The following TENM1 variants were observed in gnomAD, a reference collection of about 807,000 sequenced individuals.
The protein encoded by TENM1 is teneurin transmembrane protein 1.
In TENM1, 35 loss-of-function variants were observed where a neutral mutation model predicts 174.8. The ratio of observed to expected loss-of-function variants is 0.20; its 90% CI spans 0.15 to 0.27. The LOEUF (loss-of-function observed/expected upper bound fraction) is 0.27, where lower values mean the gene tolerates loss of function less well. Among genes scored for constraint, TENM1 ranks in the 10% least tolerant of loss-of-function variants. TENM1 has a pLI of 1.00. For missense variants in TENM1, 1,633 were observed against 2,130.1 expected (o/e 0.77, Z 4.59); for synonymous variants, 781 against 798.7 (o/e 0.98, Z 0.37).
chrX:124,423,689 T>G (rs2060680679), intron 23 of TENM1, among the ~76,000 whole-genome samples: 1 of 110,602 alleles, frequency 9.0e-6, no homozygotes, highest in Non-Finnish European at 1.9e-5. Flanking sequence ...ATCTGGGTAC[T>G]AGGAAAAGCA....
At chrX:124,382,519 T>G (rs1398696725) in intron 31 of TENM1, 151 bp downstream of exon 34, 6 of 522,964 alleles carry the variant, frequency 1.1e-5, no homozygotes, top group African/African-American at 4.9e-5. Flanking sequence ...TCATGGAGCT[T>G]TTTTTATACC....
intron 3 of TENM1, among the ~76,000 whole-genome samples, chrX:124,874,820 GTCA>G (rs923664362): frequency 1.8e-5 from 2 of 110,847 alleles, no homozygotes; most frequent in Non-Finnish European, 3.8e-5. Context: ...TATTTGAAAG[GTCA>G]TCTTTATCAT....
intron 3 of TENM1, among the ~76,000 whole-genome samples, chrX:124,766,485 GAA>G (rs2054542348): frequency 9.0e-6 from 1 of 111,449 alleles, no homozygotes; most frequent in African/African-American, 3.3e-5. Flanking sequence ...GAAACGGTGA[GAA>G]AAATAAATTA....
chrX:124,754,283 T>C (rs2054167372), intron 3 of TENM1, among the ~76,000 whole-genome samples: 1 of 111,536 alleles, frequency 9.0e-6, no homozygotes, highest in African/African-American at 3.3e-5. Flanking sequence ...GTAGAGGTGT[T>C]TGTAGTATTC....
At chrX:124,914,581 T>C (rs1055053160) in intron 1 of TENM1, among the ~76,000 whole-genome samples, 2 of 112,322 alleles carry the variant, frequency 1.8e-5, no homozygotes, top group African/African-American at 6.5e-5. Context: ...TGCCTTCAAA[T>C]TGATCCTCCT....
intron 11 of TENM1, among the ~76,000 whole-genome samples, chrX:124,589,077 A>C (rs916862653): frequency 1.2e-5 from 1 of 83,701 alleles, no homozygotes; most frequent in African/African-American, 4.4e-5. Context: ...TGTTCCTTTG[A>C]TGCCTAGTTT....
chrX:124,770,328 C>G (rs1002110472), intron 3 of TENM1, among the ~76,000 whole-genome samples: 1 of 111,422 alleles, frequency 9.0e-6, no homozygotes, highest in African/African-American at 3.3e-5. Flanking sequence ...ATATTTCACA[C>G]CAGTACAGAA....
intron 17 of TENM1, among the ~76,000 whole-genome samples, chrX:124,521,539 A>G (rs2047850065): frequency 8.9e-6 from 1 of 112,184 alleles, no homozygotes; most frequent in Non-Finnish European, 1.9e-5. Context: ...CAGAGTAAAA[A>G]TACCATGTGG....
intron 11 of TENM1, among the ~76,000 whole-genome samples, chrX:124,590,494 T>C (rs1314425500): frequency 9.0e-6 from 1 of 110,766 alleles, no homozygotes; most frequent in African/African-American, 3.3e-5. Flanking sequence ...TACAAACAAA[T>C]GGAAGAACAT....
chrX:124,392,000 C>T (rs916000637), intron 28 of TENM1, 52 bp downstream of exon 31: 31 of 1,064,992 alleles, frequency 2.9e-5, no homozygotes, highest in Non-Finnish European at 3.7e-5. Flanking sequence ...GGGCCATTTT[C>T]GATAGTCTCA....
chrX:124,648,851 A>G (rs1337354825), intron 8 of TENM1, among the ~76,000 whole-genome samples: 1 of 112,195 alleles, frequency 8.9e-6, no homozygotes, highest in Non-Finnish European at 1.9e-5. Flanking sequence ...TCTGGAAAAA[A>G]TGTTTAATAA....
rs148242911 is a variant in TENM1 at position 124,834,952 on chromosome X, C to T, written c.535+59344G>A. Among the ~76,000 whole-genome samples, 31 of 112,018 alleles carry T rather than the reference C, an allele frequency of 2.8e-4. No individual in the cohort carries two copies. The East Asian group carries it at 4.8e-3, about 17-fold the overall frequency. On this transcript the variant is annotated intron_variant, in intron 3 of 31. Transcript: ENST00000422452. ...CAAATGTAATCATGTCACTTATATG[C>T]TCCCCACTGCCTTCAGAAGAAAGTC...
At chrX:124,601,420 G>A (rs1301183362) in intron 11 of TENM1, among the ~76,000 whole-genome samples, 1 of 110,865 alleles carries the variant, frequency 9.0e-6, no homozygotes, top group Non-Finnish European at 1.9e-5. Flanking sequence ...AAGAAAGAGA[G>A]CCTGGGTGCA....
chrX:125,097,417 ATG>A, the TENM1 span, among the ~76,000 whole-genome samples: 1 of 111,752 alleles, frequency 8.9e-6, no homozygotes, highest in Non-Finnish European at 1.9e-5. Flanking sequence ...ACTGAGGTGC[ATG>A]TGTGTATGTG....
intron 5 of TENM1, among the ~76,000 whole-genome samples, chrX:124,691,365 A>C: frequency 8.9e-6 from 1 of 112,383 alleles, no homozygotes. Flanking sequence ...AACAAAAAAG[A>C]TCCTTAAAAA....
At chrX:124,894,524 G>C (rs1199216376) in intron 2 of TENM1, among the ~76,000 whole-genome samples, 172 bp from the exon 6 acceptor site, 3 of 111,676 alleles carry the variant, frequency 2.7e-5, no homozygotes, top group Non-Finnish European at 5.6e-5. Flanking sequence ...GTGGTTTTTA[G>C]TATTTTTGCA....
chrX:125,200,652 T>A, the TENM1 span, among the ~76,000 whole-genome samples: 1,423 of 81,281 alleles, frequency 0.018, 27 homozygotes, highest in African/African-American at 0.06. Flanking sequence ...TGTGTGTGTG[T>A]GTGAGAGAGA....
intron 3 of TENM1, among the ~76,000 whole-genome samples, chrX:124,785,505 T>C (rs1190476892): frequency 1.8e-5 from 2 of 112,139 alleles, no homozygotes; most frequent in East Asian, 5.6e-4. Context: ...CTGGTTATCA[T>C]TTGGTTTCCC....
the TENM1 span, among the ~76,000 whole-genome samples, chrX:125,084,633 G>A: frequency 1.6e-4 from 18 of 110,724 alleles, no homozygotes; most frequent in African/African-American, 5.2e-4. Context: ...CAACTAAGGA[G>A]AGAGGTTACA....
Sources: allele counts gnomAD v4.1 joint callset (sites outside exome capture counted in the v4.1 genomes callset), GRCh38; gene constraint gnomAD v4.1.1; transcripts MANE v1.5; gene names NCBI Gene and HGNC (gene_info 2026-07-23, HGNC 2026-07-21).